EXOC4: variants seen among roughly 807,000 people sequenced by gnomAD.
The protein encoded by EXOC4 is exocyst complex component 4.
In EXOC4, 71 loss-of-function variants were observed where a neutral mutation model predicts 107.2. That is an observed-to-expected ratio of 0.66 (90% confidence interval 0.55 to 0.81). EXOC4 has a LOEUF of 0.81. Among genes scored for constraint, EXOC4 ranks in the 30% least tolerant of loss-of-function variants. The pLI is 0.00. For missense variants in EXOC4, 1,108 were observed against 1,189.6 expected, an observed-to-expected ratio of 0.93 and a Z score of 1.01; for synonymous variants, 456 against 441.2, an observed-to-expected ratio of 1.03 and a Z score of -0.42.
intron 4 of EXOC4, among the ~76,000 whole-genome samples, chr7:133,306,295 A>G (rs1794753198): frequency 6.6e-6 from 1 of 152,202 alleles, no homozygotes; most frequent in Non-Finnish European, 1.5e-5. Flanking sequence ...AAGGATATAT[A>G]AGAAGCATTT....
intron 10 of EXOC4, among the ~76,000 whole-genome samples, chr7:133,635,161 T>C (rs1356232931): frequency 6.6e-6 from 1 of 152,230 alleles, no homozygotes; most frequent in South Asian, 2.1e-4. Context: ...TACATCATGG[T>C]AGTTATTAAC....
intron 17 of EXOC4, among the ~76,000 whole-genome samples, chr7:134,044,863 C>T (rs1341846739): frequency 6.6e-6 from 1 of 152,208 alleles, no homozygotes; most frequent in Non-Finnish European, 1.5e-5. Context: ...TTTGTCTCCC[C>T]AAGCATTTTC....
rs1330665132 is a variant in EXOC4 at position 133,445,171 on chromosome 7, T to C, written c.1183-30157T>C. On this transcript the variant is annotated intron_variant, in intron 7 of 17. Transcript: ENST00000253861. Reference sequence around the variant, plus strand: ...AGCTTCTATCCTGACAAATTGAAAATTTTCTGAACTCATTATAGAATCTAC... The same window carrying C: ...AGCTTCTATCCTGACAAATTGAAAACTTTCTGAACTCATTATAGAATCTAC... 3.9e-5 allele frequency among the ~76,000 whole-genome samples: 6 copies of C among 152,122 alleles called. 1 individual carries two copies. The East Asian group carries it at 1.2e-3, about 29-fold the overall frequency.
chr7:133,406,476 A>G (rs1014392840), intron 7 of EXOC4, among the ~76,000 whole-genome samples: 10 of 152,160 alleles, frequency 6.6e-5, no homozygotes, highest in Admixed American at 6.5e-5. Context: ...ACCTGGTTTT[A>G]CCCTTAATGT....
At chr7:133,288,834 G>A in intron 2 of EXOC4, 88 bp from the exon 3 acceptor site, 1 of 1,060,832 alleles carries the variant, frequency 9.4e-7, no homozygotes, top group East Asian at 2.4e-5. Context: ...GCTGCATACA[G>A]TAGTACCAGT....
chr7:133,963,369 C>T (rs776415623), intron 14 of EXOC4, among the ~76,000 whole-genome samples: 5 of 152,196 alleles, frequency 3.3e-5, no homozygotes, highest in African/African-American at 4.8e-5. Context: ...ATCAGCCTCG[C>T]ATAAGTACTG....
chr7:133,977,174 G>A (rs551563952), intron 14 of EXOC4, among the ~76,000 whole-genome samples: 141 of 152,340 alleles, frequency 9.3e-4, no homozygotes, highest in African/African-American at 3.1e-3. Flanking sequence ...GAGTGACCTT[G>A]CTAAGAAGTC....
intron 1 of EXOC4, among the ~76,000 whole-genome samples, chr7:133,255,444 G>A (rs1016941898): frequency 1.3e-5 from 2 of 151,988 alleles, no homozygotes; most frequent in Non-Finnish European, 2.9e-5. Flanking sequence ...CAAAATGCTG[G>A]GATTACAGGC....
At chr7:134,062,037 C>G (rs1306446107) in intron 17 of EXOC4, among the ~76,000 whole-genome samples, 1 of 152,168 alleles carries the variant, frequency 6.6e-6, no homozygotes, top group Non-Finnish European at 1.5e-5. Flanking sequence ...TGTCTATATT[C>G]AGGGTCACCC....
Position 133,475,349 on chromosome 7 carries a change from G to A in EXOC4, c.1204G>A (p.Asp402Asn). Reference sequence around the variant, plus strand: ...ACAGATGCTATTAACTGAGTACTTGGATATGAAAAATACTCGTACGGCCTC... The same window carrying A: ...ACAGATGCTATTAACTGAGTACTTGAATATGAAAAATACTCGTACGGCCTC... ...VLQMLLTEYL[D>N]MKNTRTASEP... Residue 402 changes from aspartate (D) to asparagine (N), a missense_variant, in exon 8 of 18, where the codon GAT (aspartate) becomes AAT (asparagine). Coordinates refer to ENST00000253861, the MANE Select transcript of EXOC4 (RefSeq NM_021807.4). The A allele has an allele frequency of 6.2e-7, 1 of 1,613,372 alleles. No homozygotes were observed. Among genetic ancestry groups the A allele is most frequent in the Non-Finnish European group, 8.5e-7 (1 of 1,179,442 alleles).
chr7:133,924,388 A>T (rs775239778), intron 13 of EXOC4, among the ~76,000 whole-genome samples: 3 of 152,154 alleles, frequency 2.0e-5, no homozygotes, highest in Non-Finnish European at 4.4e-5. Context: ...TCAGTCTTAT[A>T]GGTATCTTCA....
intron 5 of EXOC4, among the ~76,000 whole-genome samples, chr7:133,338,491 G>A (rs970318291): frequency 5.5e-4 from 81 of 147,810 alleles, no homozygotes; most frequent in African/African-American, 2.0e-3. Context: ...TACTCGGGAG[G>A]CTGAGGCAGG....
chr7:133,631,227 A>G (rs1247747258), intron 10 of EXOC4, among the ~76,000 whole-genome samples: 1 of 152,114 alleles, frequency 6.6e-6, no homozygotes, highest in Admixed American at 6.5e-5. Flanking sequence ...GTACTTCAGA[A>G]TATCACCTTA....
At chr7:133,256,020 C>T (rs1010220881) in intron 1 of EXOC4, among the ~76,000 whole-genome samples, 4 of 149,378 alleles carry the variant, frequency 2.7e-5, no homozygotes, top group Non-Finnish European at 5.9e-5. Context: ...CTCTCTCTGT[C>T]GCCCAGGCTG....
At chr7:133,676,927 CTG>C (rs559035446) in intron 10 of EXOC4, among the ~76,000 whole-genome samples, 101 of 124,722 alleles carry the variant, frequency 8.1e-4, no homozygotes, top group African/African-American at 2.7e-3. Context: ...GTAGTAAACT[CTG>C]TGTGTGTGTG....
At chr7:133,524,151 T>G (rs1473192179) in intron 9 of EXOC4, among the ~76,000 whole-genome samples, 2 of 139,620 alleles carry the variant, frequency 1.4e-5, no homozygotes, top group Non-Finnish European at 3.1e-5. Flanking sequence ...TGGTATGAGA[T>G]GGTATCTCAT....
At chr7:133,293,133 C>T (rs1794443956) in intron 3 of EXOC4, among the ~76,000 whole-genome samples, 1 of 152,134 alleles carries the variant, frequency 6.6e-6, no homozygotes, top group African/African-American at 2.4e-5. Flanking sequence ...CATTTTATAA[C>T]TTTGCATGTT....
chr7:133,364,199 G>T (rs1047063449), intron 6 of EXOC4, among the ~76,000 whole-genome samples: 2 of 151,750 alleles, frequency 1.3e-5, no homozygotes, highest in African/African-American at 4.8e-5. Context: ...AATCATCATG[G>T]CTCACTGTAG....
At chr7:133,612,647 G>T (rs962251368) in intron 9 of EXOC4, among the ~76,000 whole-genome samples, 1 of 152,184 alleles carries the variant, frequency 6.6e-6, no homozygotes, top group Non-Finnish European at 1.5e-5. Flanking sequence ...ACCTACAGGG[G>T]ACAAGGATGG....
Sources: allele counts gnomAD v4.1 joint callset (sites outside exome capture counted in the v4.1 genomes callset), GRCh38; gene constraint gnomAD v4.1.1; transcripts MANE v1.5; gene names NCBI Gene and HGNC (gene_info 2026-07-23, HGNC 2026-07-21).